Variants in CHN1 observed in about 807,000 individuals in gnomAD.
The protein encoded by CHN1 is N-chimaerin.
A neutral mutation model predicts 59.5 loss-of-function variants in CHN1; 37 were observed. The observed-to-expected ratio is 0.62, with a 90% CI of 0.48 to 0.82. The LOEUF (loss-of-function observed/expected upper bound fraction) is 0.82. Among genes scored for constraint, CHN1 ranks in the 40% least tolerant of loss-of-function variants. The probability of loss-of-function intolerance (pLI) is 0.00; values close to 1 mark genes in which losing one functional copy is unlikely to be tolerated. For synonymous variants in CHN1, 206 were observed against 200.4 expected, an observed-to-expected ratio of 1.03 and a Z score of -0.24; for missense variants, 469 against 571.0, an observed-to-expected ratio of 0.82 and a Z score of 1.82.
chr2:174,965,508 C>A (rs1486462341), intron 1 of CHN1, among the ~76,000 whole-genome samples: 1 of 152,016 alleles, frequency 6.6e-6, no homozygotes, highest in Non-Finnish European at 1.5e-5. Context: ...ATAATGAATT[C>A]TCAAAAAGGA....
chr2:174,896,431 C>T (rs1441297148), intron 5 of CHN1, among the ~76,000 whole-genome samples: 2 of 152,116 alleles, frequency 1.3e-5, no homozygotes, highest in South Asian at 4.1e-4. Context: ...AAAATCTAAA[C>T]ACAATTAAAT....
intron 6 of CHN1, among the ~76,000 whole-genome samples, chr2:174,852,134 C>T (rs1323690821): frequency 6.7e-6 from 1 of 150,096 alleles, no homozygotes; most frequent in Non-Finnish European, 1.5e-5. Context: ...AAAAAAAATA[C>T]AAAAATTAGC....
At chr2:174,881,300 C>T (rs187043658) in intron 5 of CHN1, among the ~76,000 whole-genome samples, 169 of 152,222 alleles carry the variant, frequency 1.1e-3, no homozygotes, top group Admixed American at 1.6e-3. Flanking sequence ...CTCCTGTAGT[C>T]TTGAAATATG....
At chr2:174,964,726 T>C (rs1002859973) in intron 1 of CHN1, among the ~76,000 whole-genome samples, 2 of 152,202 alleles carry the variant, frequency 1.3e-5, no homozygotes, top group African/African-American at 4.8e-5. Flanking sequence ...CAAGCATTTG[T>C]TATAGGAAAT....
At chr2:174,881,869 T>A (rs1336817121) in intron 5 of CHN1, among the ~76,000 whole-genome samples, 1 of 152,172 alleles carries the variant, frequency 6.6e-6, no homozygotes, top group Non-Finnish European at 1.5e-5. Context: ...AGAAGGTCTT[T>A]CCACTGTGTC....
At chr2:174,824,614 C>CTATATATATATA (rs149952097) in intron 7 of CHN1, 96 bp from the exon 8 acceptor site, 6 of 451,740 alleles carry the variant, frequency 1.3e-5, no homozygotes, top group African/African-American at 1.0e-4. Flanking sequence ...GCCACATATT[C>CTATATATATATA]TATATATATA....
At chr2:174,895,444 T>C (rs1688191742) in intron 5 of CHN1, among the ~76,000 whole-genome samples, 1 of 152,026 alleles carries the variant, frequency 6.6e-6, no homozygotes, top group African/African-American at 2.4e-5. Flanking sequence ...TGGGGAGTTG[T>C]TCAATGGGTA....
intron 1 of CHN1, among the ~76,000 whole-genome samples, chr2:174,997,136 T>A (rs1451555189): frequency 6.6e-6 from 1 of 152,306 alleles, no homozygotes; most frequent in South Asian, 2.1e-4. Context: ...TAAATATTCA[T>A]CAGATAGATG....
chr2:174,958,268 G>A (rs1311369395), intron 1 of CHN1, among the ~76,000 whole-genome samples: 3 of 152,198 alleles, frequency 2.0e-5, no homozygotes, highest in Admixed American at 6.5e-5. Context: ...ACGCTGTCCT[G>A]TGCCTGTCTT....
intron 7 of CHN1, among the ~76,000 whole-genome samples, chr2:174,836,891 T>C (rs1246516941): frequency 6.6e-6 from 1 of 152,150 alleles, no homozygotes; most frequent in African/African-American, 2.4e-5. Flanking sequence ...TCTGGGAGGA[T>C]ACAGAGCTGA....
intron 3 of CHN1, among the ~76,000 whole-genome samples, chr2:174,928,337 T>C (rs1689235716): frequency 6.6e-6 from 1 of 152,216 alleles, no homozygotes; most frequent in Non-Finnish European, 1.5e-5. Context: ...TTATTCATCA[T>C]ATTAAGATAC....
At chr2:174,815,621 G>T (rs1375402435) in intron 8 of CHN1, among the ~76,000 whole-genome samples, 1 of 139,726 alleles carries the variant, frequency 7.2e-6, no homozygotes. Flanking sequence ...TTTCAAGAGT[G>T]TTCATAATTG....
In CHN1 at chr2:174,859,555, GT is replaced by G. The variant is rs1177926053; in HGVS notation, c.550-12599del. Among the ~76,000 whole-genome samples, 3 of 152,262 alleles carry G rather than the reference GT, an allele frequency of 2.0e-5. No homozygotes were observed. The East Asian group carries it at 5.8e-4, about 29-fold the overall frequency. On this transcript the variant is annotated intron_variant, in intron 6 of 12. Coordinates refer to ENST00000409900, the MANE Select transcript of CHN1 (RefSeq NM_001822.7). ...AGAAATCCAGGCACACTTTTACACT[GT>G]CCCCAAATCAGTAGCACTTAGAGCT...
intron 12 of CHN1, among the ~76,000 whole-genome samples, chr2:174,801,254 G>A (rs1684711854): frequency 6.6e-6 from 1 of 152,078 alleles, no homozygotes; most frequent in Non-Finnish European, 1.5e-5. Flanking sequence ...TTGCAGTGTT[G>A]GCAACAATAA....
At chr2:174,832,917 T>C (rs1685929215) in intron 7 of CHN1, among the ~76,000 whole-genome samples, 1 of 152,110 alleles carries the variant, frequency 6.6e-6, no homozygotes, top group African/African-American at 2.4e-5. Context: ...TGTATCTAAA[T>C]GTATCTAAAC....
At chr2:174,857,028 G>A (rs558221136) in intron 6 of CHN1, among the ~76,000 whole-genome samples, 1 of 152,188 alleles carries the variant, frequency 6.6e-6, no homozygotes, top group Admixed American at 6.5e-5. Flanking sequence ...AATGGCACTT[G>A]TCTAGTTTAT....
At chr2:174,967,519 T>G (rs1435296070) in intron 1 of CHN1, among the ~76,000 whole-genome samples, 1 of 152,208 alleles carries the variant, frequency 6.6e-6, no homozygotes, top group Admixed American at 6.5e-5. Flanking sequence ...TTCCAATGTT[T>G]CCATTTTTTC....
rs753725678 is a variant in CHN1, at chr2:174,811,517, C to T, written c.958G>A (p.Asp320Asn). The change falls in exon 10 of 13, where the codon GAC becomes AAC. Residue 320 changes from aspartate to asparagine, a missense_variant. Asp to Asn is a conservative substitution (Grantham distance 23, BLOSUM62 1). Around this residue, in one of 5 missense-constraint regions of CHN1, gnomAD observed 225 missense variants for 289.9 expected, o/e 0.78. Coordinates refer to ENST00000409900, the MANE Select transcript of CHN1 (RefSeq NM_001822.7). ...AACATTGTGAAAAACATACCTCTGT[C>T]GAAAGCCATCTTGACATCTTCAATT... The part of the protein sequence containing the change: ...DLIEDVKMAF[D>N]RDGEKADISV... 2 of 1,608,906 alleles carry T rather than the reference C, an allele frequency of 1.2e-6. No individual in the cohort carries two copies. The highest frequency in any genetic ancestry group is 1.7e-6 in the Non-Finnish European group (2 of 1,176,350).
chr2:174,904,263 A>T (rs1313753665), intron 5 of CHN1, among the ~76,000 whole-genome samples: 2 of 152,080 alleles, frequency 1.3e-5, no homozygotes, highest in African/African-American at 2.4e-5. Context: ...TCCGTCTCAA[A>T]AAATAAATAA....
Sources: allele counts gnomAD v4.1 joint callset (sites outside exome capture counted in the v4.1 genomes callset), GRCh38; gene constraint gnomAD v4.1.1; regional missense constraint gnomAD v4.1.1; transcripts MANE v1.5; gene names NCBI Gene and HGNC (gene_info 2026-07-23, HGNC 2026-07-21).